RBM20: variants seen among roughly 807,000 people sequenced by gnomAD.
The protein encoded by RBM20 is RNA-binding protein 20.
A neutral mutation model predicts 110.1 loss-of-function variants in RBM20; 51 were observed. That is an observed-to-expected ratio of 0.46 (90% CI 0.37 to 0.59). The LOEUF is 0.59. RBM20 is among the 20% of genes least tolerant of loss of function. RBM20 has a pLI of 0.00. For synonymous variants in RBM20, 589 were observed against 618.2 expected, an observed-to-expected ratio of 0.95 and a Z score of 0.70; for missense variants, 1,512 against 1,574.9, an observed-to-expected ratio of 0.96 and a Z score of 0.68.
intron 1 of RBM20, among the ~76,000 whole-genome samples, chr10:110,653,470 T>G (rs1861979219): frequency 6.6e-6 from 1 of 152,190 alleles, no homozygotes; most frequent in African/African-American, 2.4e-5. Flanking sequence ...CTTATTTAAT[T>G]TTTTTCTAAT....
intron 1 of RBM20, among the ~76,000 whole-genome samples, chr10:110,678,318 A>G (rs1178003204): frequency 6.6e-6 from 1 of 152,228 alleles, no homozygotes. Flanking sequence ...CTTTGCCATT[A>G]AGTGGCTATG....
At chr10:110,702,730 G>A (rs1178754240) in intron 1 of RBM20, among the ~76,000 whole-genome samples, 1 of 152,174 alleles carries the variant, frequency 6.6e-6, no homozygotes, top group African/African-American at 2.4e-5. Flanking sequence ...GGAGAGCTCT[G>A]GATCCAGACT....
intron 12 of RBM20, among the ~76,000 whole-genome samples, chr10:110,828,594 C>T (rs1020280055): frequency 6.6e-6 from 1 of 152,200 alleles, no homozygotes; most frequent in Non-Finnish European, 1.5e-5. Flanking sequence ...AAATATTTAA[C>T]ACGTGTCTCC....
At chr10:110,702,547 A>G (rs1862775126) in intron 1 of RBM20, among the ~76,000 whole-genome samples, 1 of 152,242 alleles carries the variant, frequency 6.6e-6, no homozygotes, top group Admixed American at 6.5e-5. Context: ...TAAAAAATAC[A>G]TAAATGAAGT....
chr10:110,674,755 ATTCT>A (rs1862313421), intron 1 of RBM20, among the ~76,000 whole-genome samples: 1 of 152,194 alleles, frequency 6.6e-6, no homozygotes, highest in African/African-American at 2.4e-5. Context: ...TATTTTTTAG[ATTCT>A]TTCTTGATTT....
At chr10:110,728,238 C>A (rs1467243281) in intron 1 of RBM20, among the ~76,000 whole-genome samples, 1 of 152,130 alleles carries the variant, frequency 6.6e-6, no homozygotes, top group Admixed American at 6.5e-5. Flanking sequence ...ATGTAGCTGA[C>A]AGCTGTGTGG....
At chr10:110,764,075 A>G (rs1482539222) in intron 1 of RBM20, among the ~76,000 whole-genome samples, 13 of 152,144 alleles carry the variant, frequency 8.5e-5, no homozygotes, top group Admixed American at 8.5e-4. Context: ...TGCAGTTACC[A>G]CTGGGTAGGT....
At chr10:110,713,123 G>C (rs978376073) in intron 1 of RBM20, among the ~76,000 whole-genome samples, 1 of 152,204 alleles carries the variant, frequency 6.6e-6, no homozygotes, top group East Asian at 1.9e-4. Context: ...GAGAATCACA[G>C]AAGATAAGTC....
At chr10:110,810,287 G>T in intron 7 of RBM20, 96 bp from the exon 8 acceptor site, 3 of 860,114 alleles carry the variant, frequency 3.5e-6, no homozygotes, top group African/African-American at 3.4e-5. Flanking sequence ...TTCCCTTTTG[G>T]TGGACCAGGC....
chr10:110,779,990 T>A (rs1453565112), intron 1 of RBM20, among the ~76,000 whole-genome samples: 1 of 149,746 alleles, frequency 6.7e-6, no homozygotes, highest in East Asian at 1.9e-4. Context: ...AAAGTGGTTT[T>A]GTTTTTGTTT....
intron 1 of RBM20, among the ~76,000 whole-genome samples, chr10:110,648,512 T>C (rs1034032031): frequency 6.6e-6 from 1 of 152,220 alleles, no homozygotes; most frequent in African/African-American, 2.4e-5. Flanking sequence ...TCATTCATAC[T>C]TGGTCCTTTC....
At chr10:110,681,970 A>G (rs1862429926) in intron 1 of RBM20, among the ~76,000 whole-genome samples, 1 of 148,024 alleles carries the variant, frequency 6.8e-6, no homozygotes, top group African/African-American at 2.5e-5. Context: ...GCTCACTGCA[A>G]CCTCTGCCTC....
chr10:110,744,736 A>T (rs1038101509), intron 1 of RBM20, among the ~76,000 whole-genome samples: 1 of 152,242 alleles, frequency 6.6e-6, no homozygotes, highest in African/African-American at 2.4e-5. Context: ...CTACTGAAAT[A>T]AGAAATCTAA....
At chr10:110,711,284 T>G (rs1862922850) in intron 1 of RBM20, among the ~76,000 whole-genome samples, 1 of 132,242 alleles carries the variant, frequency 7.6e-6, no homozygotes, top group African/African-American at 2.9e-5. Context: ...GAGCTGAGAC[T>G]GTGCCACTTC....
intron 1 of RBM20, among the ~76,000 whole-genome samples, chr10:110,722,809 C>T (rs1336498326): frequency 1.3e-5 from 2 of 152,114 alleles, no homozygotes; most frequent in Admixed American, 6.6e-5. Flanking sequence ...ATACTGGGGA[C>T]TTCATATGAT....
intron 1 of RBM20, among the ~76,000 whole-genome samples, chr10:110,685,751 G>A (rs943119653): frequency 6.6e-6 from 1 of 151,874 alleles, no homozygotes; most frequent in African/African-American, 2.4e-5. Flanking sequence ...GGGCGGGAGG[G>A]TCGGGAGGTG....
intron 1 of RBM20, among the ~76,000 whole-genome samples, chr10:110,730,605 CT>C (rs1843610864): frequency 6.6e-6 from 1 of 152,236 alleles, no homozygotes; most frequent in Admixed American, 6.5e-5. Context: ...GGAACTTCAT[CT>C]GTAAAATGGG....
At chr10:110,690,719 T>G (rs1862575420) in intron 1 of RBM20, among the ~76,000 whole-genome samples, 1 of 152,248 alleles carries the variant, frequency 6.6e-6, no homozygotes, top group Non-Finnish European at 1.5e-5. Flanking sequence ...TGTATCAAAA[T>G]TGTATTCCTT....
At chr10:110,806,874 G>C (rs1844701892) in intron 7 of RBM20, among the ~76,000 whole-genome samples, 1 of 152,132 alleles carries the variant, frequency 6.6e-6, no homozygotes, top group African/African-American at 2.4e-5. Context: ...ACAGAATACA[G>C]AAGCTGGCCA....
Sources: gnomAD v4.1 joint callset for allele counts (sites outside exome capture counted in the v4.1 genomes callset) on GRCh38, gnomAD v4.1.1 for gene constraint, MANE v1.5 for transcripts, NCBI Gene and HGNC (gene_info 2026-07-23, HGNC 2026-07-21) for gene names.